MED15: variants seen among roughly 807,000 people sequenced by gnomAD.
MED15 encodes the protein mediator complex subunit 15, also known as mediator of RNA polymerase II transcription subunit 15.
A neutral mutation model predicts 118.7 loss-of-function variants in MED15; 41 were observed. That is an observed-to-expected ratio of 0.35 (90% confidence interval 0.27 to 0.45). The LOEUF (loss-of-function observed/expected upper bound fraction) is 0.45, where lower values mean the gene tolerates loss of function less well. Among genes scored for constraint, MED15 ranks in the 20% least tolerant of loss-of-function variants. The pLI, the probability that MED15 is intolerant of heterozygous loss-of-function variation, is 1.00. For synonymous variants in MED15, 436 were observed against 413.9 expected, an observed-to-expected ratio of 1.05 and a Z score of -0.65; for missense variants, 740 against 1,025.5, an observed-to-expected ratio of 0.72 and a Z score of 3.80.
intron 1 of MED15, chr22:20,518,994 A>G (rs1318204396): frequency 2.5e-6 from 1 of 393,416 alleles, no homozygotes; most frequent in East Asian, 8.5e-5. Context: ...CTGGGACCAC[A>G]GGTGTGTGCC....
At chr22:20,579,410 T>A (rs1327583414) in intron 9 of MED15, among the ~76,000 whole-genome samples, 2 of 152,130 alleles carry the variant, frequency 1.3e-5, no homozygotes, top group African/African-American at 4.8e-5. Flanking sequence ...CCTCCCATCC[T>A]CTGGGCTCTG....
chr22:20,530,561 G>A (rs1362135260), intron 1 of MED15, among the ~76,000 whole-genome samples: 1 of 152,046 alleles, frequency 6.6e-6, no homozygotes, highest in Admixed American at 6.6e-5. Context: ...CCAGGGAAGG[G>A]GGCCTGGCAG....
intron 1 of MED15, among the ~76,000 whole-genome samples, chr22:20,521,871 G>A (rs1160585880): frequency 6.6e-6 from 1 of 151,674 alleles, no homozygotes; most frequent in Non-Finnish European, 1.5e-5. Context: ...GACTACAGGC[G>A]TGCACCACCA....
intron 1 of MED15, among the ~76,000 whole-genome samples, chr22:20,534,687 G>C (rs992123748): frequency 6.6e-6 from 1 of 152,148 alleles, no homozygotes. Context: ...AGCAGCTATC[G>C]TCTCAGCCTC....
At chr22:20,526,019 C>T (rs1370868664) in intron 1 of MED15, among the ~76,000 whole-genome samples, 1 of 151,380 alleles carries the variant, frequency 6.6e-6, no homozygotes, top group Non-Finnish European at 1.5e-5. Flanking sequence ...CTCCTGGGCT[C>T]AAGAAATCCT....
intron 1 of MED15, among the ~76,000 whole-genome samples, chr22:20,510,501 C>T (rs956904518): frequency 1.3e-5 from 2 of 152,190 alleles, no homozygotes; most frequent in African/African-American, 4.8e-5. Flanking sequence ...GAAATCAAGA[C>T]GTTGGCAGGG....
intron 2 of MED15, among the ~76,000 whole-genome samples, chr22:20,539,615 G>A (rs1033793707): frequency 6.6e-6 from 1 of 152,146 alleles, no homozygotes; most frequent in African/African-American, 2.4e-5. Flanking sequence ...GAGTTGCTGG[G>A]TCATACCCTA....
chr22:20,578,688 C>A (rs979107358), intron 9 of MED15, among the ~76,000 whole-genome samples: 3 of 152,232 alleles, frequency 2.0e-5, no homozygotes, highest in Non-Finnish European at 4.4e-5. Context: ...GGGGCCAGAA[C>A]CTGCTGTCTC....
chr22:20,583,717 G>A, intron 13 of MED15: 2 of 343,220 alleles, frequency 5.8e-6, no homozygotes, highest in Non-Finnish European at 1.1e-5. Context: ...GCCTGAGCCT[G>A]ACCTGGAGTT....
intron 3 of MED15, 164 bp from the exon 4 acceptor site, chr22:20,552,981 A>T: frequency 1.6e-6 from 1 of 626,802 alleles, no homozygotes; most frequent in Non-Finnish European, 2.8e-6. Context: ...TTGTGGGGTC[A>T]GCGCTGCCAA....
chr22:20,580,021 C>T (rs1418348891), intron 9 of MED15, among the ~76,000 whole-genome samples: 1 of 152,114 alleles, frequency 6.6e-6, no homozygotes, highest in African/African-American at 2.4e-5. Context: ...TTGGACTGTC[C>T]ACCACTGACA....
At chr22:20,529,433 TA>T (rs2054775286) in intron 1 of MED15, among the ~76,000 whole-genome samples, 1 of 151,908 alleles carries the variant, frequency 6.6e-6, no homozygotes, top group East Asian at 1.9e-4. Context: ...TTTACGTATA[TA>T]TTTTTTTGAG....
At chr22:20,510,469 GCTATCAAGGC>G (rs1412671085) in intron 1 of MED15, among the ~76,000 whole-genome samples, 32 of 152,344 alleles carry the variant, frequency 2.1e-4, no homozygotes, top group African/African-American at 7.5e-4. Context: ...TAGGTCTCCT[GCTATCAAGGC>G]CTATCAAGGC....
intron 5 of MED15, among the ~76,000 whole-genome samples, chr22:20,563,034 TC>T (rs2056304507): frequency 6.9e-6 from 1 of 145,570 alleles, no homozygotes; most frequent in South Asian, 2.3e-4. Context: ...AGACCCCACC[TC>T]AAAAAAAAAA....
intron 1 of MED15, among the ~76,000 whole-genome samples, chr22:20,520,082 A>G (rs1258824970): frequency 6.6e-6 from 1 of 152,108 alleles, no homozygotes; most frequent in East Asian, 1.9e-4. Flanking sequence ...GGAGGGCTGA[A>G]GGGGAATGAG....
Position 20,584,936 on chromosome 22 carries a change from A to G in MED15, c.1885A>G (p.Ile629Val). The G allele has an allele frequency of 1.2e-6, 2 of 1,613,888 alleles. No individual in the cohort carries two copies. The highest frequency in any genetic ancestry group is 1.7e-6 in the Non-Finnish European group (2 of 1,179,970). Residue 629 changes from isoleucine to valine, a missense_variant, in exon 15 of 18, where the codon ATC (isoleucine) becomes GTC (valine). Around this residue, in one of 7 missense-constraint regions of MED15, gnomAD observed 179 missense variants for 259.0 expected, o/e 0.69. Transcript: ENST00000263205. ...GCTCCTGGATGCCGTCCTGGCCAAC[A>G]TCCGCTCACCTGTCTTCAACCATTC... The part of the protein sequence containing the change: ...QPLLDAVLAN[I>V]RSPVFNHSLY...
rs76622281 is a variant in MED15 at position 20,528,220 on chromosome 22, G to A, written c.69-8897G>A. 2.4e-3 allele frequency among the ~76,000 whole-genome samples: 362 copies of A among 152,246 alleles called. 1 individual carries two copies. The highest frequency in any genetic ancestry group is 8.2e-3 in the African/African-American group (339 of 41,554). On this transcript the variant is annotated intron_variant, in intron 1 of 17. Coordinates refer to ENST00000263205, the MANE Select transcript of MED15 (RefSeq NM_001003891.3). Reference sequence around the variant, plus strand: ...AAAGCCTAGGAGTCTCTTCCAGCACGTGGAGCTTGTCGACTGGGAACTTCA... The same window carrying A: ...AAAGCCTAGGAGTCTCTTCCAGCACATGGAGCTTGTCGACTGGGAACTTCA...
At chr22:20,568,905 T>A (rs1350268605) in intron 8 of MED15, among the ~76,000 whole-genome samples, 1 of 152,200 alleles carries the variant, frequency 6.6e-6, no homozygotes, top group Non-Finnish European at 1.5e-5. Context: ...CTTGCCACTC[T>A]GAGTGACTCT....
chr22:20,554,824 G>A, intron 4 of MED15, 112 bp from the exon 5 acceptor site: 1 of 1,040,918 alleles, frequency 9.6e-7, no homozygotes, highest in South Asian at 1.6e-5. Context: ...GGCTGTGAGG[G>A]GATTGAGCCT....
Sources: allele counts gnomAD v4.1 joint callset (sites outside exome capture counted in the v4.1 genomes callset), GRCh38; gene constraint gnomAD v4.1.1; regional missense constraint gnomAD v4.1.1; transcripts MANE v1.5; gene names NCBI Gene and HGNC (gene_info 2026-07-23, HGNC 2026-07-21).